Variants in CLIC6 observed in about 807,000 individuals in gnomAD.
CLIC6 encodes the protein chloride intracellular channel protein 6.
Under a neutral mutation model 49.2 loss-of-function variants are expected in CLIC6, and 39 were observed. That is an observed-to-expected ratio of 0.79 (90% CI 0.61 to 1.04). The LOEUF (loss-of-function observed/expected upper bound fraction) is 1.04, where lower values mean the gene tolerates loss of function less well. Ranked by LOEUF, CLIC6 falls within the 50% of genes least tolerant of loss-of-function variation. The pLI, the probability that CLIC6 is intolerant of heterozygous loss-of-function variation, is 0.00. For synonymous variants in CLIC6, 446 were observed against 433.4 expected, an observed-to-expected ratio of 1.03 and a Z score of -0.36; for missense variants, 988 against 993.1, an observed-to-expected ratio of 0.99 and a Z score of 0.07.
intron 1 of CLIC6, among the ~76,000 whole-genome samples, chr21:34,677,254 C>G (rs1198450446): frequency 6.6e-6 from 1 of 152,124 alleles, no homozygotes; most frequent in Non-Finnish European, 1.5e-5. Context: ...TTTTCCTGCT[C>G]TTGCATGGGG....
At position 34,670,654 on chromosome 21, in the gene CLIC6, C is replaced by T. The variant is rs896859339; in HGVS notation, c.1266C>T (p.Pro422=). 11 of 1,563,230 alleles carry T rather than the reference C, an allele frequency of 7.0e-6. No individual in the cohort carries two copies. The highest frequency in any genetic ancestry group is 1.7e-4 in the Middle Eastern group (1 of 5,882). Residue 422 remains proline, a synonymous_variant, in exon 1 of 6, where the codon CCC becomes CCT. Transcript: ENST00000349499. ...GCAACCACCTGGCCGAGGAGGGCCC[C>T]GCCGAGGGTAGCGGCGAGGCCGCGC... ...QLSNHLAEEG[P]AEGSGEAARV...
intron 5 of CLIC6, among the ~76,000 whole-genome samples, chr21:34,714,241 G>A (rs956880201): frequency 6.6e-6 from 1 of 152,228 alleles, no homozygotes; most frequent in Non-Finnish European, 1.5e-5. Context: ...CCAAACAGCA[G>A]TGGGAATTAT....
rs1307761613 is a variant in CLIC6, at chr21:34,670,133, A to T, written c.745A>T (p.Ser249Cys). Residue 249 changes from serine to cysteine, a missense_variant, in exon 1 of 6, where the codon AGC (serine) becomes TGC (cysteine). This residue lies in a region of CLIC6 where 57 missense variants were observed against 117.6 expected (regional missense o/e 0.48). Coordinates refer to ENST00000349499, the MANE Select transcript of CLIC6 (RefSeq NM_053277.3). ...AGACGCGGAGGGCCGGGTGGGGGAC[A>T]GCGTAGAGGCGGGGGACCCGGCGGG... is the stretch of plus-strand genomic sequence containing the variant. ...SVDAEGRVGD[S>C]VEAGDPAGDG... 1 of 1,328,164 alleles carries T rather than the reference A, an allele frequency of 7.5e-7. No individual in the cohort carries two copies. The highest frequency in any genetic ancestry group is 9.6e-7 in the Non-Finnish European group (1 of 1,046,856). The allele number at this position is 1,328,164 out of a possible 1,614,324, so 82.3% of individuals were successfully genotyped here. A position where few individuals can be genotyped will look rare whatever the true frequency, so the allele number is the denominator to read the frequency against.
At chr21:34,703,863 T>C (rs1377371623) in intron 1 of CLIC6, among the ~76,000 whole-genome samples, 1 of 152,172 alleles carries the variant, frequency 6.6e-6, no homozygotes, top group Admixed American at 6.5e-5. Flanking sequence ...CACCGTTTCT[T>C]TCTTTCGAGA....
At chr21:34,678,785 T>G (rs1038685815) in intron 1 of CLIC6, among the ~76,000 whole-genome samples, 2 of 152,208 alleles carry the variant, frequency 1.3e-5, no homozygotes, top group Non-Finnish European at 2.9e-5. Context: ...ACCATTTTTT[T>G]GGAAAAGATA....
rs2056092638 is a variant in CLIC6, at chr21:34,717,195, C to G, written c.*713C>G. ...TCCAGGAAAGGCAAGGGGGAGGGTG[C>G]TTATCCGTGTCTCTGGTTCCAGCTT... is the stretch of plus-strand genomic sequence containing the variant. On this transcript the variant is annotated 3_prime_UTR_variant, in exon 6 of 6. Coordinates refer to ENST00000349499, the MANE Select transcript of CLIC6 (RefSeq NM_053277.3). The G allele has an allele frequency of 6.6e-6, 1 of 152,310 alleles. No individual in the cohort carries two copies. The highest frequency in any genetic ancestry group is 1.9e-4 in the East Asian group (1 of 5,202). 9.4% of individuals were successfully genotyped at this position (152,310 alleles called of 1,614,324 possible).
chr21:34,693,582 T>G (rs1990035955), intron 1 of CLIC6, among the ~76,000 whole-genome samples: 1 of 152,200 alleles, frequency 6.6e-6, no homozygotes, highest in African/African-American at 2.4e-5. Flanking sequence ...CCCTGTTAGA[T>G]TTTTGGCTAG....
At position 34,670,219 on chromosome 21, in the gene CLIC6, G is replaced by T. The variant is rs975129293; in HGVS notation, c.831G>T (p.Gly277=). Residue 277 remains glycine (G), a synonymous_variant, in exon 1 of 6, where the codon GGG becomes GGT. Transcript: ENST00000349499. Reference sequence around the variant, plus strand: ...GCGTAGAAGCCGAAGGCCCGGCGGGGGACAGCATGGACGCCGAGGGTCCGG... The same window carrying T: ...GCGTAGAAGCCGAAGGCCCGGCGGGTGACAGCATGGACGCCGAGGGTCCGG... The part of the protein sequence containing the change: ...GDSVEAEGPA[G]DSMDAEGPAG... The T allele has an allele frequency of 7.1e-6, 10 of 1,417,572 alleles. No homozygotes were observed. In the African/African-American group the frequency reaches 9.1e-5, roughly 13 times the overall value. 87.8% of individuals were successfully genotyped at this position (1,417,572 alleles called of 1,614,324 possible).
intron 1 of CLIC6, among the ~76,000 whole-genome samples, chr21:34,702,678 A>G (rs531191624): frequency 1.6e-4 from 24 of 152,228 alleles, no homozygotes; most frequent in African/African-American, 4.3e-4. Context: ...TTGGCCACGA[A>G]ATGCATGCTT....
At chr21:34,693,313 T>G (rs1014667796) in intron 1 of CLIC6, among the ~76,000 whole-genome samples, 1 of 152,204 alleles carries the variant, frequency 6.6e-6, no homozygotes, top group Non-Finnish European at 1.5e-5. Context: ...CTAGATGGTT[T>G]AGTCCCCCAC....
At position 34,669,781 on chromosome 21, in the gene CLIC6, C is replaced by T; in HGVS notation, c.393C>T (p.Asp131=). The part of the protein sequence containing the change: ...PRGEAQREPE[D]SAAPERQEEA... The stretch of plus-strand genomic sequence containing the variant: ...GGGAGGCTCAGAGGGAGCCCGAGGA[C>T]TCTGCGGCCCCCGAGAGGCAGGAGG... Residue 131 remains aspartate (D), a synonymous_variant, in exon 1 of 6, where the codon GAC becomes GAT. Coordinates refer to ENST00000349499, the MANE Select transcript of CLIC6 (RefSeq NM_053277.3). The T allele has an allele frequency of 1.4e-6, 2 of 1,421,862 alleles. No homozygotes were observed. The highest frequency in any genetic ancestry group is 2.9e-5 in the East Asian group (1 of 34,222). 88.1% of individuals were successfully genotyped at this position (1,421,862 alleles called of 1,614,324 possible). A position where few individuals can be genotyped will look rare whatever the true frequency, so the allele number is the denominator to read the frequency against.
intron 1 of CLIC6, among the ~76,000 whole-genome samples, chr21:34,701,617 G>A (rs577268040): frequency 6.6e-6 from 1 of 152,046 alleles, no homozygotes; most frequent in African/African-American, 2.4e-5. Flanking sequence ...TGAATCGCCC[G>A]AGGCCACACA....
intron 5 of CLIC6, among the ~76,000 whole-genome samples, chr21:34,714,549 A>T (rs953396597): frequency 6.6e-6 from 1 of 152,068 alleles, no homozygotes; most frequent in Non-Finnish European, 1.5e-5. Context: ...TTAGCTAGGT[A>T]TGGTGGTGCA....
chr21:34,699,587 C>A (rs1227042957), intron 1 of CLIC6, among the ~76,000 whole-genome samples: 1 of 151,970 alleles, frequency 6.6e-6, no homozygotes, highest in Non-Finnish European at 1.5e-5. Flanking sequence ...TTAAAGTCAC[C>A]TTAGAAATTG....
rs1989541983 is a variant in CLIC6, at chr21:34,670,663, T to C, written c.1275T>C (p.Gly425=). The C allele has an allele frequency of 1.3e-6, 2 of 1,568,578 alleles. No homozygotes were observed. Among genetic ancestry groups the C allele is most frequent in the East Asian group, 2.3e-5 (1 of 42,610 alleles). The change falls in exon 1 of 6, where the codon GGT becomes GGC. Residue 425 remains glycine (G), a synonymous_variant. Coordinates refer to ENST00000349499, the MANE Select transcript of CLIC6 (RefSeq NM_053277.3). ...TGGCCGAGGAGGGCCCCGCCGAGGG[T>C]AGCGGCGAGGCCGCGCGCGTGAACG... is the stretch of plus-strand genomic sequence containing the variant. ...NHLAEEGPAE[G]SGEAARVNGR...
intron 5 of CLIC6, among the ~76,000 whole-genome samples, chr21:34,711,151 A>G (rs1447010487): frequency 6.6e-6 from 1 of 152,230 alleles, no homozygotes; most frequent in Non-Finnish European, 1.5e-5. Flanking sequence ...GGTGGTTGGT[A>G]TAAGTGTAGG....
chr21:34,670,609 G>A lies in CLIC6; in HGVS notation c.1221G>A (p.Ala407=), dbSNP rs1462900994. The change falls in exon 1 of 6, where the codon GCG becomes GCA. Residue 407 remains alanine, a synonymous_variant. Transcript: ENST00000349499. The part of the protein sequence containing the change: ...SPHGEASRGA[A]EPEAQLSNHL... ...ATGGGGAGGCCTCCAGGGGCGCCGC[G>A]GAGCCTGAGGCCCAGCTCAGCAACC... 1.3e-6 allele frequency: 2 copies of A among 1,541,794 alleles called. No individual in the cohort carries two copies. Among genetic ancestry groups the A allele is most frequent in the East Asian group, 2.4e-5 (1 of 41,068 alleles).
chr21:34,716,862 T>TCTCTCTCTCTCTCTCTCTCTCTCACA lies in CLIC6; in HGVS notation c.*381_*382insTCTCTCTCTCTCTCTCTCTCTCACAC. ...CTCTCTCTCTCTCTCTCTCTCTCTA[T>TCTCTCTCTCTCTCTCTCTCTCTCACA]CACACACACACACACACACACACAC... On this transcript the variant is annotated 3_prime_UTR_variant, in exon 6 of 6. Transcript: ENST00000349499. 4 of 131,630 alleles carry TCTCTCTCTCTCTCTCTCTCTCTCACA rather than the reference T, an allele frequency of 3.0e-5. No individual in the cohort carries two copies. The highest frequency in any genetic ancestry group is 1.3e-4 in the African/African-American group (4 of 31,210). 8.2% of individuals were successfully genotyped at this position (131,630 alleles called of 1,614,324 possible).
chr21:34,709,315 C>T (rs1466145518), intron 4 of CLIC6, 42 bp from the exon 5 acceptor site: 4 of 1,574,318 alleles, frequency 2.5e-6, no homozygotes, highest in Non-Finnish European at 3.5e-6. Context: ...GTGACATGCA[C>T]TTGCAAACCT....
Sources: gnomAD v4.1 joint callset for allele counts (sites outside exome capture counted in the v4.1 genomes callset) on GRCh38, gnomAD v4.1.1 for gene constraint, gnomAD v4.1.1 regional missense constraint, MANE v1.5 for transcripts, NCBI Gene and HGNC (gene_info 2026-07-23, HGNC 2026-07-21) for gene names.